DLG2: variants seen among roughly 807,000 people sequenced by gnomAD.
DLG2 encodes the protein discs large MAGUK scaffold protein 2.
Under a neutral mutation model 132.5 loss-of-function variants are expected in DLG2, and 45 were observed. The observed-to-expected ratio is 0.34, with a 90% CI of 0.27 to 0.44. The LOEUF (loss-of-function observed/expected upper bound fraction) is 0.44. Among genes scored for constraint, DLG2 ranks in the 20% least tolerant of loss-of-function variants. DLG2 has a pLI of 1.00. For synonymous variants in DLG2, 424 were observed against 419.6 expected (o/e 1.01, Z -0.13); for missense variants, 1,045 against 1,196.9 (o/e 0.87, Z 1.87).
At chr11:84,167,132 T>A (rs2095686677) in intron 8 of DLG2, 1 of 409,068 alleles carries the variant, frequency 2.4e-6, no homozygotes, top group South Asian at 1.9e-5. Context: ...GATTAAACTT[T>A]TCAGTGTTTG....
At chr11:85,268,576 C>T (rs959194719) in intron 4 of DLG2, among the ~76,000 whole-genome samples, 2 of 152,266 alleles carry the variant, frequency 1.3e-5, no homozygotes, top group Middle Eastern at 3.4e-3. Context: ...CTAAATTAAG[C>T]GAGACTCATC....
At position 85,524,660 on chromosome 11, in the gene DLG2, T is replaced by C. The variant is rs988458305; in HGVS notation, c.40+73997A>G. On this transcript the variant is annotated intron_variant, in intron 3 of 27. Transcript: ENST00000376104. ...GTCTCGCACTGCCACATTCGACTAA[T>C]TTTGTTTATTTTTTGTAGAGATGAG... is the stretch of plus-strand genomic sequence containing the variant. Among the ~76,000 whole-genome samples, 3 of 152,170 alleles carry C rather than the reference T, an allele frequency of 2.0e-5. 1 individual carries two copies. Among genetic ancestry groups the C allele is most frequent in the South Asian group, 2.1e-4 (1 of 4,820 alleles).
Position 85,111,744 on chromosome 11 carries a change from A to G in DLG2, c.283-9T>C. 2 of 1,548,870 alleles carry G rather than the reference A, an allele frequency of 1.3e-6. No individual in the cohort carries two copies. The highest frequency in any genetic ancestry group is 1.7e-6 in the Non-Finnish European group (2 of 1,144,812). On this transcript the variant is annotated splice_polypyrimidine_tract_variant and intron_variant, in intron 5 of 27. Transcript: ENST00000376104. ...CATCTGCCTTGGTTTTGCTGCAAAT[A>G]AGTAAAAATTATATTATATTCTATT... is the stretch of plus-strand genomic sequence containing the variant.
intron 7 of DLG2, chr11:84,317,128 G>C (rs771617408): frequency 3.1e-6 from 5 of 1,612,206 alleles, no homozygotes; most frequent in Non-Finnish European, 4.2e-6. Context: ...TGTGTTGCTT[G>C]GTGAGGTATG....
chr11:85,044,190 C>T (rs1026835696), intron 6 of DLG2, among the ~76,000 whole-genome samples: 5 of 151,912 alleles, frequency 3.3e-5, no homozygotes, highest in Non-Finnish European at 7.4e-5. Context: ...TCCTTTTGTG[C>T]TCCAAGAATG....
chr11:85,210,152 A>C (rs2082166039), intron 4 of DLG2, among the ~76,000 whole-genome samples: 1 of 152,152 alleles, frequency 6.6e-6, no homozygotes, highest in African/African-American at 2.4e-5. Flanking sequence ...TTAGAATGTA[A>C]ACCCAGTAAA....
intron 17 of DLG2, among the ~76,000 whole-genome samples, chr11:83,831,569 T>G (rs963528577): frequency 2.6e-5 from 4 of 151,980 alleles, no homozygotes; most frequent in Middle Eastern, 3.4e-3. Flanking sequence ...AGAGAGAGAT[T>G]TTCCCATTTT....
At chr11:84,732,724 A>T (rs1419224209) in intron 6 of DLG2, among the ~76,000 whole-genome samples, 1 of 151,952 alleles carries the variant, frequency 6.6e-6, no homozygotes, top group East Asian at 1.9e-4. Context: ...TACATGTGCC[A>T]TGTTGGTGTG....
At chr11:83,668,800 C>A (rs867156005) in intron 18 of DLG2, among the ~76,000 whole-genome samples, 1 of 66,206 alleles carries the variant, frequency 1.5e-5, no homozygotes, top group Non-Finnish European at 2.8e-5. Flanking sequence ...TATAAACACA[C>A]ATATATATGT....
At chr11:84,281,013 G>C (rs569948154) in intron 7 of DLG2, among the ~76,000 whole-genome samples, 1 of 151,778 alleles carries the variant, frequency 6.6e-6, no homozygotes, top group Admixed American at 6.6e-5. Flanking sequence ...GAGCCACCGT[G>C]CCCGGCCTAG....
At chr11:85,121,310 C>T (rs985912550) in intron 5 of DLG2, among the ~76,000 whole-genome samples, 1 of 151,242 alleles carries the variant, frequency 6.6e-6, no homozygotes, top group African/African-American at 2.4e-5. Context: ...CTATTGCACA[C>T]CTTTCTAACT....
chr11:85,442,752 T>G (rs2091845625), intron 3 of DLG2, among the ~76,000 whole-genome samples: 1 of 151,896 alleles, frequency 6.6e-6, no homozygotes, highest in African/African-American at 2.4e-5. Flanking sequence ...CATGGTGGCA[T>G]GTACCTGTAG....
intron 3 of DLG2, chr11:85,286,099 A>C (rs2078539702): frequency 2.2e-6 from 1 of 453,094 alleles, no homozygotes; most frequent in East Asian, 6.6e-5. Context: ...TACTGACTTA[A>C]GTAACTTTGA....
At chr11:84,008,877 TG>T (rs2094718873) in intron 11 of DLG2, among the ~76,000 whole-genome samples, 1 of 151,656 alleles carries the variant, frequency 6.6e-6, no homozygotes, top group South Asian at 2.1e-4. Flanking sequence ...CTCTCTTCTT[TG>T]TGCAGTTACA....
intron 11 of DLG2, among the ~76,000 whole-genome samples, chr11:83,998,525 A>C (rs2094168552): frequency 6.6e-6 from 1 of 152,198 alleles, no homozygotes; most frequent in African/African-American, 2.4e-5. Flanking sequence ...CTTGACCAGG[A>C]TCAGCTGGGA....
At position 84,007,719 on chromosome 11, in the gene DLG2, T is replaced by C. The variant is rs142107838; in HGVS notation, c.920-27077A>G. 2.1e-3 allele frequency among the ~76,000 whole-genome samples: 324 copies of C among 151,892 alleles called. 1 individual carries two copies. Among genetic ancestry groups the C allele is most frequent in the Non-Finnish European group, 3.4e-3 (233 of 67,744 alleles). On this transcript the variant is annotated intron_variant, in intron 11 of 27. Coordinates refer to ENST00000376104, the MANE Select transcript of DLG2 (RefSeq NM_001142699.3). ...TATATGACACAAGCACCATGTGGAA[T>C]AGGAGAAAGATTACTGGTATAATCC...
intron 15 of DLG2, among the ~76,000 whole-genome samples, chr11:83,905,346 G>A (rs887550517): frequency 5.9e-5 from 9 of 151,946 alleles, no homozygotes; most frequent in African/African-American, 2.2e-4. Flanking sequence ...CATCCTCTGG[G>A]GCTCCATTAA....
intron 3 of DLG2, among the ~76,000 whole-genome samples, chr11:85,544,168 T>A (rs2076152011): frequency 6.6e-6 from 1 of 152,198 alleles, no homozygotes; most frequent in Non-Finnish European, 1.5e-5. Flanking sequence ...AATTTTTGTA[T>A]AAGGTATAAG....
At chr11:85,269,287 T>A (rs2077389219) in intron 4 of DLG2, among the ~76,000 whole-genome samples, 1 of 152,218 alleles carries the variant, frequency 6.6e-6, no homozygotes. Flanking sequence ...TCTTGGCCCA[T>A]CAGAAAACAT....
Sources: gnomAD v4.1 joint callset for allele counts (sites outside exome capture counted in the v4.1 genomes callset) on GRCh38, gnomAD v4.1.1 for gene constraint, MANE v1.5 for transcripts, NCBI Gene and HGNC (gene_info 2026-07-23, HGNC 2026-07-21) for gene names.